Variants in KCNH8 observed in about 807,000 individuals in gnomAD.
The protein encoded by KCNH8 is voltage-gated delayed rectifier potassium channel KCNH8.
Under a neutral mutation model 103.6 loss-of-function variants are expected in KCNH8, and 70 were observed. That is an observed-to-expected ratio of 0.68 (90% CI 0.56 to 0.82). The LOEUF (loss-of-function observed/expected upper bound fraction) is 0.82, where lower values mean the gene tolerates loss of function less well. KCNH8 is among the 40% of genes least tolerant of loss of function. The pLI is 0.00. For missense variants in KCNH8, 1,217 were observed against 1,329.9 expected (o/e 0.92, Z 1.32); for synonymous variants, 498 against 489.4 (o/e 1.02, Z -0.23).
chr3:19,424,182 G>A (rs913306335), intron 7 of KCNH8, among the ~76,000 whole-genome samples: 4 of 151,934 alleles, frequency 2.6e-5, no homozygotes, highest in Admixed American at 2.6e-4. Context: ...AAATCTGAAG[G>A]TATCACATTA....
At chr3:19,530,332 G>T (rs1252342932) in intron 15 of KCNH8, among the ~76,000 whole-genome samples, 1 of 152,028 alleles carries the variant, frequency 6.6e-6, no homozygotes, top group Non-Finnish European at 1.5e-5. Context: ...AATGATAAAT[G>T]TTTGAGATAG....
intron 3 of KCNH8, among the ~76,000 whole-genome samples, chr3:19,300,047 G>A (rs1252384660): frequency 1.3e-5 from 2 of 151,936 alleles, no homozygotes; most frequent in Non-Finnish European, 1.5e-5. Flanking sequence ...TTAGGGGTTC[G>A]AGACCAGCCT....
chr3:19,359,445 A>G (rs2065921036), intron 5 of KCNH8, among the ~76,000 whole-genome samples: 1 of 152,056 alleles, frequency 6.6e-6, no homozygotes, highest in African/African-American at 2.4e-5. Context: ...TCAGAAACTG[A>G]TAAACTAGCA....
chr3:19,263,718 C>G (rs567438609), intron 2 of KCNH8, among the ~76,000 whole-genome samples: 35 of 152,198 alleles, frequency 2.3e-4, no homozygotes, highest in Non-Finnish European at 4.6e-4. Flanking sequence ...GGGGCAGCCA[C>G]AAGTCCACTC....
intron 7 of KCNH8, among the ~76,000 whole-genome samples, chr3:19,405,742 C>T (rs2066681574): frequency 6.6e-6 from 1 of 151,868 alleles, no homozygotes; most frequent in South Asian, 2.1e-4. Context: ...CAAGCCCTGC[C>T]ATTAATTAGC....
At chr3:19,493,155 A>G (rs944620090) in intron 11 of KCNH8, among the ~76,000 whole-genome samples, 6 of 152,146 alleles carry the variant, frequency 3.9e-5, no homozygotes, top group African/African-American at 1.2e-4. Flanking sequence ...TAGATATACA[A>G]TAATATCACA....
At chr3:19,209,502 G>T (rs891695963) in intron 1 of KCNH8, among the ~76,000 whole-genome samples, 1 of 151,982 alleles carries the variant, frequency 6.6e-6, no homozygotes, top group Non-Finnish European at 1.5e-5. Flanking sequence ...TAGTCTTTGG[G>T]ATTTTCGTAG....
At chr3:19,373,820 G>A (rs200986038) in intron 5 of KCNH8, among the ~76,000 whole-genome samples, 7,029 of 151,800 alleles carry the variant, frequency 0.046, 190 homozygotes, top group East Asian at 0.13. Context: ...CTTTGTTCTC[G>A]TTGGTTTCAA....
intron 11 of KCNH8, among the ~76,000 whole-genome samples, chr3:19,471,815 C>T (rs1012061269): frequency 2.0e-5 from 3 of 152,170 alleles, no homozygotes; most frequent in Admixed American, 2.0e-4. Flanking sequence ...GATTCATGGT[C>T]AGTTGCCTAA....
At chr3:19,275,122 T>C (rs2064649389) in intron 2 of KCNH8, among the ~76,000 whole-genome samples, 1 of 151,458 alleles carries the variant, frequency 6.6e-6, no homozygotes, top group Admixed American at 6.6e-5. Context: ...TATTTCTTCA[T>C]GCTTATTCTA....
At chr3:19,420,981 A>G (rs1233139365) in intron 7 of KCNH8, among the ~76,000 whole-genome samples, 1 of 152,148 alleles carries the variant, frequency 6.6e-6, no homozygotes, top group Non-Finnish European at 1.5e-5. Flanking sequence ...ACACATGCAT[A>G]CGTGTGTTAA....
chr3:19,422,141 C>CA (rs754420836), intron 7 of KCNH8, among the ~76,000 whole-genome samples: 48 of 152,106 alleles, frequency 3.2e-4, no homozygotes, highest in Non-Finnish European at 4.9e-4. Flanking sequence ...CTCAGTGGAA[C>CA]AAATAAGAAA....
At chr3:19,365,263 A>C (rs955355688) in intron 5 of KCNH8, among the ~76,000 whole-genome samples, 3 of 152,102 alleles carry the variant, frequency 2.0e-5, no homozygotes, top group Non-Finnish European at 4.4e-5. Flanking sequence ...AGAAAAACAA[A>C]TGTCTGTCAA....
At chr3:19,389,838 C>G (rs2066409481) in intron 5 of KCNH8, among the ~76,000 whole-genome samples, 1 of 151,982 alleles carries the variant, frequency 6.6e-6, no homozygotes, top group Non-Finnish European at 1.5e-5. Context: ...TTTTGTTGCC[C>G]AGACTCATCC....
At chr3:19,259,790 TAC>T (rs56173952) in intron 2 of KCNH8, among the ~76,000 whole-genome samples, 149,309 of 150,878 alleles carry the variant, frequency 0.99, 73,880 homozygotes, top group Admixed American at 0.99. Context: ...TGTGTTTACA[TAC>T]ACACACACAC....
At chr3:19,466,648 C>CTTTTTTTTTTTTT (rs1559340738) in intron 11 of KCNH8, among the ~76,000 whole-genome samples, 1 of 107,748 alleles carries the variant, frequency 9.3e-6, no homozygotes, top group African/African-American at 3.5e-5. Context: ...TGTAGCAATA[C>CTTTTTTTTTTTTT]ATTTTTTTTT....
intron 3 of KCNH8, among the ~76,000 whole-genome samples, chr3:19,325,394 A>G (rs2065408053): frequency 6.6e-6 from 1 of 152,184 alleles, no homozygotes; most frequent in Non-Finnish European, 1.5e-5. Flanking sequence ...TCAATAGAGT[A>G]GAAAGATAAC....
intron 1 of KCNH8, among the ~76,000 whole-genome samples, chr3:19,182,473 G>A (rs1028311225): frequency 6.6e-6 from 1 of 152,180 alleles, no homozygotes; most frequent in Non-Finnish European, 1.5e-5. Flanking sequence ...AGAGCTTGCC[G>A]TGAGCCAAGA....
At chr3:19,376,992 C>T (rs1162576053) in intron 5 of KCNH8, among the ~76,000 whole-genome samples, 1 of 152,148 alleles carries the variant, frequency 6.6e-6, no homozygotes, top group Non-Finnish European at 1.5e-5. Flanking sequence ...CAACCATAAA[C>T]ATACATGGAA....
Sources: gnomAD v4.1 joint callset for allele counts (sites outside exome capture counted in the v4.1 genomes callset) on GRCh38, gnomAD v4.1.1 for gene constraint, MANE v1.5 for transcripts, NCBI Gene and HGNC (gene_info 2026-07-23, HGNC 2026-07-21) for gene names.